MEIKIN: variants seen among roughly 807,000 people sequenced by gnomAD.
MEIKIN encodes meiosis-specific kinetochore protein.
At chr5:131,880,595 T>C (rs1750688375) in intron 8 of MEIKIN, among the ~76,000 whole-genome samples, 2 of 152,198 alleles carry the variant, frequency 1.3e-5, no homozygotes, top group East Asian at 1.9e-4. Context: ...CCAAAAGATT[T>C]TTCTTTAGGT....
At chr5:131,875,415 T>G (rs1204689265) in intron 9 of MEIKIN, among the ~76,000 whole-genome samples, 5 of 151,814 alleles carry the variant, frequency 3.3e-5, no homozygotes, top group Non-Finnish European at 5.9e-5. Flanking sequence ...GAGAATAAAA[T>G]ACCTAGGAAT....
At chr5:131,857,259 G>T (rs1317989489) in intron 9 of MEIKIN, among the ~76,000 whole-genome samples, 3 of 151,848 alleles carry the variant, frequency 2.0e-5, no homozygotes, top group African/African-American at 7.2e-5. Flanking sequence ...ATTTCAACTT[G>T]AAAAAAAGAT....
At chr5:131,873,828 T>G (rs1038624323) in intron 9 of MEIKIN, among the ~76,000 whole-genome samples, 144 of 152,272 alleles carry the variant, frequency 9.5e-4, no homozygotes, top group African/African-American at 3.3e-3. Flanking sequence ...CTAGAACTCA[T>G]GATTAAGAAA....
At chr5:131,917,738 T>C (rs570938653) in intron 6 of MEIKIN, among the ~76,000 whole-genome samples, 25 of 152,262 alleles carry the variant, frequency 1.6e-4, no homozygotes, top group African/African-American at 5.8e-4. Flanking sequence ...ATGGGTATAG[T>C]TGTCTAAAGA....
chr5:131,901,004 C>CA (rs1370373107), intron 8 of MEIKIN, among the ~76,000 whole-genome samples: 1 of 152,210 alleles, frequency 6.6e-6, no homozygotes, highest in Non-Finnish European at 1.5e-5. Flanking sequence ...CCCACCCACT[C>CA]ACCCACCATG....
At chr5:131,898,698 G>C (rs1225023301) in intron 8 of MEIKIN, among the ~76,000 whole-genome samples, 1 of 152,256 alleles carries the variant, frequency 6.6e-6, no homozygotes, top group Non-Finnish European at 1.5e-5. Flanking sequence ...CGCTAGCAGT[G>C]AGCAAAACTC....
At chr5:131,822,744 T>C (rs1334588861) in intron 11 of MEIKIN, among the ~76,000 whole-genome samples, 1 of 152,190 alleles carries the variant, frequency 6.6e-6, no homozygotes, top group Non-Finnish European at 1.5e-5. Context: ...TACTATTCTG[T>C]TTTTCTCTGT....
chr5:131,907,344 T>G (rs1751258058), intron 8 of MEIKIN, among the ~76,000 whole-genome samples: 1 of 150,744 alleles, frequency 6.6e-6, no homozygotes, highest in Admixed American at 6.6e-5. Flanking sequence ...AACAAATGAA[T>G]TCGAAAACAA....
intron 8 of MEIKIN, among the ~76,000 whole-genome samples, chr5:131,890,041 C>G (rs1454467966): frequency 6.6e-6 from 1 of 152,110 alleles, no homozygotes; most frequent in Non-Finnish European, 1.5e-5. Context: ...TTGAACCAGC[C>G]CTGCATCCCA....
At chr5:131,886,291 A>G (rs113291959) in intron 8 of MEIKIN, among the ~76,000 whole-genome samples, 1 of 152,184 alleles carries the variant, frequency 6.6e-6, no homozygotes, top group Non-Finnish European at 1.5e-5. Context: ...CTAGAGAAAG[A>G]TATCAATATC....
intron 8 of MEIKIN, among the ~76,000 whole-genome samples, chr5:131,904,612 A>G (rs1198156998): frequency 6.6e-6 from 1 of 152,184 alleles, no homozygotes; most frequent in African/African-American, 2.4e-5. Context: ...AATCAGAACT[A>G]CTATTTGATC....
chr5:131,914,597 GAAGGGAAGGGAAGGA>G (rs750933945), intron 7 of MEIKIN, among the ~76,000 whole-genome samples: 29,408 of 115,132 alleles, frequency 0.26, 4,713 homozygotes, highest in East Asian at 0.49. Flanking sequence ...GAAGGGAAGG[GAAGGGAAGGGAAGGA>G]AAGGGAAGGA....
At chr5:131,939,459 G>A (rs1751834192) in intron 4 of MEIKIN, among the ~76,000 whole-genome samples, 1 of 150,986 alleles carries the variant, frequency 6.6e-6, no homozygotes, top group South Asian at 2.1e-4. Context: ...TCTGTTGTTA[G>A]CTGAGGTCTC....
intron 5 of MEIKIN, among the ~76,000 whole-genome samples, chr5:131,932,913 G>A (rs538135395): frequency 7.6e-4 from 116 of 152,190 alleles, no homozygotes; most frequent in South Asian, 6.9e-3. Context: ...TTAGGACTCC[G>A]CTTTCTTAGG....
intron 8 of MEIKIN, among the ~76,000 whole-genome samples, chr5:131,903,762 A>C (rs1207679501): frequency 6.6e-6 from 1 of 152,186 alleles, no homozygotes; most frequent in Non-Finnish European, 1.5e-5. Flanking sequence ...ACAACATGAC[A>C]AAAGGACCAA....
At chr5:131,937,756 A>C (rs1298195903) in intron 4 of MEIKIN, among the ~76,000 whole-genome samples, 1 of 152,040 alleles carries the variant, frequency 6.6e-6, no homozygotes, top group East Asian at 1.9e-4. Flanking sequence ...AATGCCATTG[A>C]TATTCTTGAT....
At chr5:131,811,466 C>T (rs1772952372) in intron 12 of MEIKIN, among the ~76,000 whole-genome samples, 1 of 151,888 alleles carries the variant, frequency 6.6e-6, no homozygotes. Context: ...GCAACCATGC[C>T]CAGCTAATTT....
chr5:131,845,015 A>G (rs1399708926), intron 11 of MEIKIN, among the ~76,000 whole-genome samples: 4 of 152,196 alleles, frequency 2.6e-5, no homozygotes, highest in African/African-American at 9.7e-5. Flanking sequence ...TCACGCCTAT[A>G]ATCCCAGCAC....
At chr5:131,884,241 C>A (rs1209325007) in intron 8 of MEIKIN, among the ~76,000 whole-genome samples, 3 of 152,158 alleles carry the variant, frequency 2.0e-5, no homozygotes, top group Non-Finnish European at 4.4e-5. Context: ...TGCCACCCCT[C>A]TCACAACCCC....
Sources: allele counts gnomAD v4.1 joint callset (sites outside exome capture counted in the v4.1 genomes callset), GRCh38; gene constraint gnomAD v4.1.1; transcripts MANE v1.5; gene names NCBI Gene and HGNC (gene_info 2026-07-23, HGNC 2026-07-21).